LINGO1: variants seen among roughly 807,000 people sequenced by gnomAD.
LINGO1 encodes leucine-rich repeat and immunoglobulin-like domain-containing nogo receptor-interacting protein 1.
A neutral mutation model predicts 37.3 loss-of-function variants in LINGO1; 11 were observed. The ratio of observed to expected loss-of-function variants is 0.29; its 90% CI spans 0.19 to 0.49. The LOEUF (loss-of-function observed/expected upper bound fraction) is 0.49, where lower values mean the gene tolerates loss of function less well. Ranked by LOEUF, LINGO1 falls within the 20% of genes least tolerant of loss-of-function variation. The pLI is 0.99. For synonymous variants in LINGO1, 387 were observed against 403.0 expected, an observed-to-expected ratio of 0.96 and a Z score of 0.48; for missense variants, 585 against 878.2, an observed-to-expected ratio of 0.67 and a Z score of 4.22.
chr15:77,801,474 C>CTTTA (rs2076917932), intron 1 of LINGO1, among the ~76,000 whole-genome samples: 1 of 152,208 alleles, frequency 6.6e-6, no homozygotes, highest in Non-Finnish European at 1.5e-5. Flanking sequence ...GCACGCCAAG[C>CTTTA]TTTACAGCAA....
At chr15:77,751,560 A>G (rs55784436) in intron 1 of LINGO1, among the ~76,000 whole-genome samples, 23,468 of 152,080 alleles carry the variant, frequency 0.15, 2,523 homozygotes, top group African/African-American at 0.31. Context: ...CCTCCAGCCC[A>G]TCCCTGGAGG....
intron 1 of LINGO1, among the ~76,000 whole-genome samples, chr15:77,811,837 A>G (rs1462534867): frequency 2.0e-5 from 3 of 152,262 alleles, no homozygotes; most frequent in African/African-American, 7.2e-5. Flanking sequence ...AGATAAAGCA[A>G]AATGTGGGAA....
chr15:77,736,786 A>C (rs2141341138), intron 1 of LINGO1, among the ~76,000 whole-genome samples: 1 of 152,206 alleles, frequency 6.6e-6, no homozygotes, highest in East Asian at 1.9e-4. Flanking sequence ...AAAAAGAAAA[A>C]CCAAAAAGAA....
intron 1 of LINGO1, among the ~76,000 whole-genome samples, chr15:77,786,232 C>T (rs1430110126): frequency 3.9e-5 from 6 of 152,146 alleles, no homozygotes. Flanking sequence ...CTCACCACCC[C>T]TCAGGGAGGT....
intron 2 of LINGO1, among the ~76,000 whole-genome samples, chr15:77,682,096 A>G (rs1434366510): frequency 6.6e-6 from 1 of 152,146 alleles, no homozygotes; most frequent in Non-Finnish European, 1.5e-5. Context: ...GTGAGGTTGG[A>G]AATGAATGGA....
upstream of LINGO1, among the ~76,000 whole-genome samples, chr15:77,632,926 GGAGGGAGGAGGGATC>G (rs1290619056): frequency 2.4e-3 from 366 of 151,436 alleles, 2 homozygotes; most frequent in African/African-American, 8.3e-3. This position sits in a 1 kb window ranked among gnomAD's most constrained non-coding sequence, Gnocchi z 6.0. Context: ...AGCGAGCCAG[GGAGGGAGGAGGGATC>G]GAGGGAGGAG....
intron 2 of LINGO1, among the ~76,000 whole-genome samples, chr15:77,685,544 C>T (rs970661251): frequency 2.6e-5 from 4 of 152,134 alleles, no homozygotes; most frequent in African/African-American, 9.7e-5. Context: ...GGTATTCAAA[C>T]ACGTAGAATC....
In LINGO1 at chr15:77,695,364, G is replaced by A. The variant is rs954152841; in HGVS notation, c.-281+1027C>T. ...ACACAAAGAAAGGATAAAGAGAGCA[G>A]CAGAGACAGCTGAATGGACATGGGA... On this transcript the variant is annotated intron_variant, in intron 1 of 3. Transcript: ENST00000559893. 2.6e-5 allele frequency among the ~76,000 whole-genome samples: 4 copies of A among 152,158 alleles called. No homozygotes were observed. The South Asian group carries it at 6.2e-4, about 24-fold the overall frequency.
rs867575912 is a variant in LINGO1, at chr15:77,632,336, G to A, written c.-21C>T. ...TGCATCTCGGGCGCGCCTTCGGTCC[G>A]CTCGGCTCGGTCACCAATCGCATGT... On this transcript the variant is annotated 5_prime_UTR_variant, in exon 1 of 2. Transcript: ENST00000355300. The surrounding 1 kb of genome is among the most constrained non-coding windows in gnomAD (Gnocchi z 6.0). 17 of 1,433,152 alleles carry A rather than the reference G, an allele frequency of 1.2e-5. No homozygotes were observed. In the Admixed American group the frequency reaches 3.7e-4, roughly 32 times the overall value. 88.8% of individuals were successfully genotyped at this position (1,433,152 alleles called of 1,614,324 possible). A position where few individuals can be genotyped will look rare whatever the true frequency, so the allele number is the denominator to read the frequency against.
At chr15:77,762,518 C>G (rs2076487975) in intron 1 of LINGO1, among the ~76,000 whole-genome samples, 2 of 152,160 alleles carry the variant, frequency 1.3e-5, no homozygotes, top group South Asian at 4.1e-4. Flanking sequence ...CCCAAGGCCA[C>G]TTGGTGGCCC....
intron 1 of LINGO1, among the ~76,000 whole-genome samples, chr15:77,752,370 CATT>C (rs1282683656): frequency 6.6e-6 from 1 of 152,214 alleles, no homozygotes; most frequent in Non-Finnish European, 1.5e-5. Context: ...TTGGTGAAGA[CATT>C]ATTTCATCAT....
At chr15:77,798,845 C>T (rs1173685975) in intron 1 of LINGO1, among the ~76,000 whole-genome samples, 1 of 152,180 alleles carries the variant, frequency 6.6e-6, no homozygotes, top group African/African-American at 2.4e-5. Context: ...GAGACCTCCA[C>T]AGAAACAGCT....
At chr15:77,634,204 C>T (rs2074348011), upstream of LINGO1, 1 of 451,980 alleles carries the variant, frequency 2.2e-6, no homozygotes, top group Non-Finnish European at 4.4e-6. Flanking sequence ...ACGGAGGGAC[C>T]TCTCCCCACC....
chr15:77,740,708 C>T (rs2076254304), intron 1 of LINGO1, among the ~76,000 whole-genome samples: 1 of 152,120 alleles, frequency 6.6e-6, no homozygotes, highest in African/African-American at 2.4e-5. Flanking sequence ...GCTTTGAATA[C>T]ACAAAGATTT....
At chr15:77,714,022 C>A (rs1000630346) in intron 2 of LINGO1, among the ~76,000 whole-genome samples, 4 of 152,116 alleles carry the variant, frequency 2.6e-5, no homozygotes, top group Admixed American at 1.3e-4. Flanking sequence ...GTTCCCACGT[C>A]CCCATCCCCT....
chr15:77,675,042 T>C (rs981507314), intron 3 of LINGO1, among the ~76,000 whole-genome samples: 6 of 152,150 alleles, frequency 3.9e-5, no homozygotes, highest in Admixed American at 6.5e-5. Flanking sequence ...TATGCAAATA[T>C]GCTCAACCTC....
chr15:77,635,445 G>GT (rs2074377765), upstream of LINGO1, among the ~76,000 whole-genome samples: 1 of 152,184 alleles, frequency 6.6e-6, no homozygotes, highest in Admixed American at 6.5e-5. Context: ...TGCATGAGCT[G>GT]TGGAACAGGC....
At chr15:77,812,316 C>T (rs1188794194) in intron 1 of LINGO1, among the ~76,000 whole-genome samples, 3 of 152,216 alleles carry the variant, frequency 2.0e-5, no homozygotes, top group Non-Finnish European at 4.4e-5. Context: ...CAGAATACCC[C>T]TACCGGTGGA....
At chr15:77,800,603 T>C (rs1470211485) in intron 1 of LINGO1, among the ~76,000 whole-genome samples, 1 of 152,230 alleles carries the variant, frequency 6.6e-6, no homozygotes, top group Non-Finnish European at 1.5e-5. Context: ...GCAAAGATTT[T>C]TCAGCAATAA....
Sources: allele counts gnomAD v4.1 joint callset (sites outside exome capture counted in the v4.1 genomes callset), GRCh38; gene constraint gnomAD v4.1.1; non-coding constraint Gnocchi (gnomAD v3.1); transcripts MANE v1.5; gene names NCBI Gene and HGNC (gene_info 2026-07-23, HGNC 2026-07-21).